Variants in EXOC3 observed in about 807,000 individuals in gnomAD.
The protein encoded by EXOC3 is exocyst complex component 3.
EXOC3 carries 21 observed loss-of-function variants against 73.7 expected under a neutral mutation model. The observed-to-expected ratio is 0.29, with a 90% CI of 0.20 to 0.41. EXOC3 has a LOEUF of 0.41. Among genes scored for constraint, EXOC3 ranks in the 10% least tolerant of loss-of-function variants. The probability of loss-of-function intolerance (pLI) is 1.00; values close to 1 mark genes in which losing one functional copy is unlikely to be tolerated. For synonymous variants in EXOC3, 410 were observed against 389.1 expected (o/e 1.05, Z -0.63); for missense variants, 842 against 985.1 (o/e 0.85, Z 1.95).
At chr5:457,364 C>A (rs1400502358) in intron 5 of EXOC3, 3 of 291,152 alleles carry the variant, frequency 1.0e-5, no homozygotes, top group African/African-American at 4.3e-5. Context: ...AGGGCGAGTC[C>A]ATTTGCAGCC....
At chr5:456,262 CTA>C (rs1314533615) in intron 4 of EXOC3, among the ~76,000 whole-genome samples, 1 of 152,234 alleles carries the variant, frequency 6.6e-6, no homozygotes, top group African/African-American at 2.4e-5. Flanking sequence ...ACTTATAAGA[CTA>C]AATACAATGT....
chr5:443,465 G>GT (rs1198147418), intron 1 of EXOC3, among the ~76,000 whole-genome samples, 175 bp downstream of exon 1: 1 of 152,240 alleles, frequency 6.6e-6, no homozygotes, highest in African/African-American at 2.4e-5. Context: ...TCGTGCGAGT[G>GT]TCCTCGGCGC....
intron 12 of EXOC3, 75 bp downstream of exon 12, chr5:465,920 C>A: frequency 1.3e-6 from 2 of 1,497,626 alleles, no homozygotes; most frequent in Admixed American, 2.0e-5. Context: ...CTGTCTGGGG[C>A]GGGTGGGGCT....
At chr5:445,311 G>T (rs1253107205) in intron 1 of EXOC3, among the ~76,000 whole-genome samples, 3 of 151,258 alleles carry the variant, frequency 2.0e-5, no homozygotes, top group Non-Finnish European at 3.0e-5. Context: ...GGGAAATGGG[G>T]TTTTGGATAC....
At chr5:464,879 G>A in intron 10 of EXOC3, 1 of 579,412 alleles carries the variant, frequency 1.7e-6, no homozygotes, top group Non-Finnish European at 3.0e-6. Context: ...GCCCGCGTCT[G>A]TCCTGCTGGG....
chr5:449,415 C>T (rs1737594764), intron 3 of EXOC3, among the ~76,000 whole-genome samples: 1 of 152,194 alleles, frequency 6.6e-6, no homozygotes, highest in Admixed American at 6.5e-5. Flanking sequence ...TTTCATCTTG[C>T]AGACATGAAA....
intron 7 of EXOC3, 113 bp downstream of exon 7, chr5:459,572 T>G: frequency 1.8e-6 from 1 of 560,850 alleles, no homozygotes; most frequent in Non-Finnish European, 3.2e-6. Flanking sequence ...AGCCGGTAGA[T>G]TCCCCACGTG....
Position 462,114 on chromosome 5 carries a change from G to A in EXOC3, c.1503-43G>A, listed in dbSNP as rs779121173. 1.9e-6 allele frequency: 3 copies of A among 1,604,432 alleles called. No homozygotes were observed. The South Asian group carries it at 3.3e-5, about 18-fold the overall frequency. ...TGTGGCGGGGGAGCGGTGGAGGCCGGCCTGCCCAGCCGCTGTGTTGAACCT... is the reference window on the plus strand; with the variant it reads ...TGTGGCGGGGGAGCGGTGGAGGCCGACCTGCCCAGCCGCTGTGTTGAACCT... On this transcript the variant is annotated intron_variant, in intron 8 of 12. Coordinates refer to ENST00000512944, the MANE Select transcript of EXOC3 (RefSeq NM_007277.5).
intron 7 of EXOC3, among the ~76,000 whole-genome samples, chr5:461,022 A>C (rs1162037054): frequency 6.6e-6 from 1 of 152,248 alleles, no homozygotes. Context: ...AGAGCGTGTC[A>C]CTACCTCTGT....
rs1267465582 is a variant in EXOC3 at position 465,833 on chromosome 5, A to G, written c.2054A>G (p.Tyr685Cys). 1 of 1,611,062 alleles carries G rather than the reference A, an allele frequency of 6.2e-7. No homozygotes were observed. The highest frequency in any genetic ancestry group is 1.7e-5 in the Admixed American group (1 of 59,606). ...YLEVSTLVSK[Y>C]PDIRDDHIGA... ...GAGGTCTCCACTCTGGTCAGCAAGT[A>G]TCCAGACATCAGGTAAGGGATGCAC... The change falls in exon 12 of 13, where the codon TAT (tyrosine) becomes TGT (cysteine). Residue 685 changes from tyrosine to cysteine, a missense_variant. Tyr to Cys is a radical substitution (Grantham distance 194). Coordinates refer to ENST00000512944, the MANE Select transcript of EXOC3 (RefSeq NM_007277.5).
chr5:445,443 G>A (rs1017770065), intron 1 of EXOC3, among the ~76,000 whole-genome samples: 1 of 152,014 alleles, frequency 6.6e-6, no homozygotes, highest in African/African-American at 2.4e-5. Context: ...TCCGCCTCCG[G>A]GGTTCACGCC....
At chr5:457,197 C>T (rs1311747477) in intron 5 of EXOC3, 191 bp downstream of exon 5, 4 of 590,526 alleles carry the variant, frequency 6.8e-6, no homozygotes, top group Non-Finnish European at 1.2e-5. Flanking sequence ...GGCCCCTTCT[C>T]TGGGCCTGGA....
chr5:449,514 C>T (rs1192058544), intron 3 of EXOC3, among the ~76,000 whole-genome samples: 1 of 152,240 alleles, frequency 6.6e-6, no homozygotes, highest in East Asian at 1.9e-4. Flanking sequence ...AATTGGATGA[C>T]TCTGAAGACC....
rs568823126 is a variant in EXOC3, at chr5:452,203, T to C, written c.365-1167T>C. 2.0e-5 allele frequency among the ~76,000 whole-genome samples: 3 copies of C among 152,316 alleles called. No individual in the cohort carries two copies. In the South Asian group the frequency reaches 6.2e-4, roughly 32 times the overall value. On this transcript the variant is annotated intron_variant, in intron 3 of 12. Coordinates refer to ENST00000512944, the MANE Select transcript of EXOC3 (RefSeq NM_007277.5). Reference sequence around the variant, plus strand: ...ATGATGTCCACAAGGTCCCTGAGGCTCTGTTCACTTTTCTTCAATCTTTTT... The same window carrying C: ...ATGATGTCCACAAGGTCCCTGAGGCCCTGTTCACTTTTCTTCAATCTTTTT...
intron 1 of EXOC3, chr5:444,812 T>TGGGAGA (rs1737457371): frequency 1.1e-5 from 1 of 87,158 alleles, no homozygotes; most frequent in African/African-American, 2.8e-5. Flanking sequence ...GTCCCTGGAT[T>TGGGAGA]GTGAGATTTA....
chr5:446,657 A>G (rs1368814446), intron 2 of EXOC3, among the ~76,000 whole-genome samples: 1 of 152,220 alleles, frequency 6.6e-6, no homozygotes, highest in Non-Finnish European at 1.5e-5. Context: ...CAGGAGTTCA[A>G]GACCAGCCTG....
At chr5:462,456 G>T in intron 9 of EXOC3, 149 bp downstream of exon 9, 1 of 815,998 alleles carries the variant, frequency 1.2e-6, no homozygotes, top group South Asian at 1.7e-5. Context: ...ATCGCTTAAA[G>T]CGCCTCCGTT....
chr5:460,034 A>C, intron 7 of EXOC3, among the ~76,000 whole-genome samples: 1 of 152,222 alleles, frequency 6.6e-6, no homozygotes, highest in Non-Finnish European at 1.5e-5. Context: ...TCTCTGCTGA[A>C]GTACCTTCAG....
intron 4 of EXOC3, among the ~76,000 whole-genome samples, chr5:454,436 GACT>G (rs1737745897): frequency 1.3e-5 from 2 of 152,246 alleles, no homozygotes; most frequent in South Asian, 4.1e-4. Flanking sequence ...GCGGGGCTGG[GACT>G]GGCACATGGC....
Sources: allele counts gnomAD v4.1 joint callset (sites outside exome capture counted in the v4.1 genomes callset), GRCh38; gene constraint gnomAD v4.1.1; transcripts MANE v1.5; gene names NCBI Gene and HGNC (gene_info 2026-07-23, HGNC 2026-07-21).